The following SPTY2D1 variants were observed in gnomAD, a reference collection of about 807,000 sequenced individuals.
SPTY2D1 encodes the protein SPT2 chromatin protein domain containing 1.
In SPTY2D1, 21 loss-of-function variants were observed where a neutral mutation model predicts 64.0. The ratio of observed to expected loss-of-function variants is 0.33; its 90% confidence interval spans 0.23 to 0.47. The LOEUF (loss-of-function observed/expected upper bound fraction) is 0.47. SPTY2D1 is among the 20% of genes least tolerant of loss of function. SPTY2D1 has a pLI of 1.00. For synonymous variants in SPTY2D1, 287 were observed against 286.8 expected (o/e 1.00, Z -0.01); for missense variants, 724 against 837.2 (o/e 0.86, Z 1.67).
At chr11:18,622,992 A>T (rs960220192) in intron 1 of SPTY2D1, among the ~76,000 whole-genome samples, 7 of 149,604 alleles carry the variant, frequency 4.7e-5, no homozygotes, top group African/African-American at 7.6e-5. Flanking sequence ...AACAACAACA[A>T]CATTCCATGT....
intron 1 of SPTY2D1, among the ~76,000 whole-genome samples, chr11:18,627,524 CTT>C: frequency 6.6e-6 from 1 of 152,160 alleles, no homozygotes. Context: ...GGGTGGATCA[CTT>C]GAGGTCAGGA....
At position 18,606,994 on chromosome 11, in the gene SPTY2D1, G is replaced by T. The variant is rs1450818861; in HGVS notation, c.*2867C>A. 1 of 284,108 alleles carries T rather than the reference G, an allele frequency of 3.5e-6. No individual in the cohort carries two copies. Among genetic ancestry groups the T allele is most frequent in the African/African-American group, 2.4e-5 (1 of 42,326 alleles). 17.6% of individuals were successfully genotyped at this position (284,108 alleles called of 1,614,324 possible). Reference sequence around the variant, plus strand: ...TCCTGCCTCAGCCTCCCCGGTAGCTGGGATTACAGGTGTGTGCCACCGCAC... The same window carrying T: ...TCCTGCCTCAGCCTCCCCGGTAGCTTGGATTACAGGTGTGTGCCACCGCAC... On this transcript the variant is annotated 3_prime_UTR_variant, in exon 6 of 6. Coordinates refer to ENST00000336349, the MANE Select transcript of SPTY2D1 (RefSeq NM_194285.3).
intron 3 of SPTY2D1, among the ~76,000 whole-genome samples, chr11:18,613,242 T>A (rs780664115): frequency 6.6e-6 from 1 of 152,242 alleles, no homozygotes; most frequent in Non-Finnish European, 1.5e-5. Flanking sequence ...CTGAGTAAGT[T>A]TGACTGTAGG....
intron 1 of SPTY2D1, among the ~76,000 whole-genome samples, chr11:18,630,489 G>T (rs913029013): frequency 1.3e-5 from 2 of 152,080 alleles, no homozygotes; most frequent in Non-Finnish European, 2.9e-5. Flanking sequence ...ACAACAAAAA[G>T]CTCTGCAAAG....
chr11:18,609,808 G>A lies in SPTY2D1; in HGVS notation c.*53C>T, dbSNP rs1368758675. 2.6e-6 allele frequency: 4 copies of A among 1,553,478 alleles called. No individual in the cohort carries two copies. In the African/African-American group the frequency reaches 4.1e-5, roughly 16 times the overall value. On this transcript the variant is annotated 3_prime_UTR_variant, in exon 6 of 6. Transcript: ENST00000336349. ...AGGGGGCTTCTTCAGTCTGAAGGCA[G>A]GAAATCCTTGCAGCAGAGCAGCTCT...
chr11:18,627,694 C>G (rs1209796329), intron 1 of SPTY2D1, among the ~76,000 whole-genome samples: 1 of 151,990 alleles, frequency 6.6e-6, no homozygotes, highest in Non-Finnish European at 1.5e-5. Flanking sequence ...CTGGCTAACA[C>G]AGTGAAACCC....
rs546469143 is a variant in SPTY2D1 at position 18,612,905 on chromosome 11, T to C, written c.1712-417A>G. ...TCAGCCTCCCGAGTAGCTGGGATTA[T>C]AGGCATGTGCCACAACGCCTGGCTA... On this transcript the variant is annotated intron_variant, in intron 3 of 5. Transcript: ENST00000336349. This position sits in a 1 kb window ranked among gnomAD's most constrained non-coding sequence, Gnocchi z 4.6. 7.9e-5 allele frequency among the ~76,000 whole-genome samples: 12 copies of C among 152,162 alleles called. No individual in the cohort carries two copies. The South Asian group carries it at 2.5e-3, about 32-fold the overall frequency.
chr11:18,621,629 G>C (rs996427291), intron 1 of SPTY2D1, among the ~76,000 whole-genome samples: 1 of 152,180 alleles, frequency 6.6e-6, no homozygotes, highest in African/African-American at 2.4e-5. Flanking sequence ...CTGTCCTTAT[G>C]ATGCAGCAGA....
intron 1 of SPTY2D1, among the ~76,000 whole-genome samples, chr11:18,621,321 AACAG>A (rs1206321290): frequency 1.5e-5 from 2 of 132,238 alleles, no homozygotes; most frequent in South Asian, 2.3e-4. Flanking sequence ...TGTCTCAAAA[AACAG>A]AAAAGAAAAG....
At position 18,612,461 on chromosome 11, in the gene SPTY2D1, C is replaced by A; in HGVS notation, c.1739G>T (p.Gly580Val). 1 of 1,604,486 alleles carries A rather than the reference C, an allele frequency of 6.2e-7. No individual in the cohort carries two copies. Among genetic ancestry groups the A allele is most frequent in the Non-Finnish European group, 8.5e-7 (1 of 1,175,546 alleles). The stretch of plus-strand genomic sequence containing the variant: ...TTCATATTCTCGCTGCCTTTTGTAA[C>A]CAGTAGGGAAGGGAAGCCTTTGAGG... ...QGPQRLPFPTGYKRQREYEEE... is the reference protein window; with the variant it reads ...QGPQRLPFPTVYKRQREYEEE... The change falls in exon 4 of 6, where the codon GGT (glycine) becomes GTT (valine). Residue 580 changes from glycine to valine, a missense_variant. Transcript: ENST00000336349. The surrounding 1 kb of genome is among the most constrained non-coding windows in gnomAD (Gnocchi z 4.6).
chr11:18,619,373 C>T (rs1854353088), intron 1 of SPTY2D1, among the ~76,000 whole-genome samples: 2 of 150,172 alleles, frequency 1.3e-5, no homozygotes, highest in South Asian at 2.1e-4. Context: ...AATCCTAGCA[C>T]TTTAGGAGGC....
rs1854166207 is a variant in SPTY2D1, at chr11:18,609,775, A to C, written c.*86T>G. 1 of 1,234,152 alleles carries C rather than the reference A, an allele frequency of 8.1e-7. No homozygotes were observed. The highest frequency in any genetic ancestry group is 1.5e-5 in the African/African-American group (1 of 66,076). The allele number at this position is 1,234,152 out of a possible 1,614,324, so 76.5% of individuals were successfully genotyped here. A position where few individuals can be genotyped will look rare whatever the true frequency, so the allele number is the denominator to read the frequency against. The stretch of plus-strand genomic sequence containing the variant: ...CCTTGAGTACCCAAGTATAAATCTA[A>C]AATGATAAGGGGGCTTCTTCAGTCT... On this transcript the variant is annotated 3_prime_UTR_variant, in exon 6 of 6. Coordinates refer to ENST00000336349, the MANE Select transcript of SPTY2D1 (RefSeq NM_194285.3).
Position 18,610,184 on chromosome 11 carries a change from C to T in SPTY2D1, c.1965-230G>A, listed in dbSNP as rs968407274. 1.6e-4 allele frequency: 68 copies of T among 420,508 alleles called. No homozygotes were observed. The Middle Eastern group carries it at 1.9e-3, about 12-fold the overall frequency. The allele number at this position is 420,508 out of a possible 1,614,324, so 26.0% of individuals were successfully genotyped here. ...ACACACCACAAAAACCTTACTATTT[C>T]CATTAAAATAATAAAATATAGGTTT... On this transcript the variant is annotated intron_variant, in intron 5 of 5. Coordinates refer to ENST00000336349, the MANE Select transcript of SPTY2D1 (RefSeq NM_194285.3).
intron 1 of SPTY2D1, among the ~76,000 whole-genome samples, chr11:18,628,573 G>T (rs1334965489): frequency 1.3e-5 from 2 of 152,200 alleles, no homozygotes; most frequent in African/African-American, 2.4e-5. Flanking sequence ...GCACATAAGA[G>T]AATGCATACA....
intron 2 of SPTY2D1, 43 bp downstream of exon 2, chr11:18,616,832 G>T: frequency 6.3e-7 from 1 of 1,584,110 alleles, no homozygotes; most frequent in Non-Finnish European, 8.6e-7. Flanking sequence ...AGATGGTGAA[G>T]ATGGAATACT....
chr11:18,629,564 A>G (rs1290498081), intron 1 of SPTY2D1, among the ~76,000 whole-genome samples: 1 of 152,218 alleles, frequency 6.6e-6, no homozygotes, highest in Non-Finnish European at 1.5e-5. Flanking sequence ...CTAGTATTCT[A>G]CCAAAACAAG....
rs1854277515 is a variant in SPTY2D1 at position 18,615,243 on chromosome 11, G to T, written c.1031C>A (p.Ser344Tyr). The T allele has an allele frequency of 6.2e-7, 1 of 1,614,120 alleles. No individual in the cohort carries two copies. Among genetic ancestry groups the T allele is most frequent in the Non-Finnish European group, 8.5e-7 (1 of 1,180,054 alleles). The stretch of plus-strand genomic sequence containing the variant: ...CCTGGAATGGCTAGGATGGGACAGA[G>T]ATTTTTTGGCTTTGTGCTCAACAGC... ...KSAVEHKAKKSLSHPSHSRPG... is the reference protein window; with the variant it reads ...KSAVEHKAKKYLSHPSHSRPG... The change falls in exon 3 of 6, where the codon TCT (serine) becomes TAT (tyrosine). Residue 344 changes from serine to tyrosine, a missense_variant. Physicochemically the swap from Ser to Tyr is moderately radical, Grantham distance 144. Coordinates refer to ENST00000336349, the MANE Select transcript of SPTY2D1 (RefSeq NM_194285.3).
At chr11:18,625,821 T>C (rs1328237671) in intron 1 of SPTY2D1, among the ~76,000 whole-genome samples, 2 of 150,416 alleles carry the variant, frequency 1.3e-5, no homozygotes, top group African/African-American at 2.4e-5. Context: ...CACTTTCTTT[T>C]TTTTTTTTTT....
At chr11:18,617,497 G>A (rs1854318138) in intron 1 of SPTY2D1, among the ~76,000 whole-genome samples, 2 of 151,170 alleles carry the variant, frequency 1.3e-5, no homozygotes, top group South Asian at 4.2e-4. Flanking sequence ...GTAGTGGCGG[G>A]TGCCTGTAAT....
Sources: gnomAD v4.1 joint callset for allele counts (sites outside exome capture counted in the v4.1 genomes callset) on GRCh38, gnomAD v4.1.1 for gene constraint, Gnocchi (gnomAD v3.1) non-coding constraint, MANE v1.5 for transcripts, NCBI Gene and HGNC (gene_info 2026-07-23, HGNC 2026-07-21) for gene names.